The following AKAP13 variants were observed in gnomAD, a reference collection of about 807,000 sequenced individuals.
The protein encoded by AKAP13 is A-kinase anchor protein 13.
A neutral mutation model predicts 264.5 loss-of-function variants in AKAP13; 80 were observed. The observed-to-expected ratio is 0.30, with a 90% confidence interval of 0.25 to 0.36. The LOEUF (loss-of-function observed/expected upper bound fraction) is 0.36. Ranked by LOEUF, AKAP13 falls within the 10% of genes least tolerant of loss-of-function variation. The pLI is 1.00. For missense variants in AKAP13, 3,712 were observed against 3,435.2 expected, an observed-to-expected ratio of 1.08 and a Z score of -2.01; for synonymous variants, 1,380 against 1,250.2, an observed-to-expected ratio of 1.10 and a Z score of -2.19.
Position 85,735,547 on chromosome 15 carries a change from A to T in AKAP13, c.7442-13A>T. On this transcript the variant is annotated splice_polypyrimidine_tract_variant and intron_variant, in intron 31 of 36. Transcript: ENST00000394518. ...CAACTTTAAAAAAAAAAACAACCCTATTTTTTGTTTAGGAGGCGAGAAGGA... is the reference window on the plus strand; with the variant it reads ...CAACTTTAAAAAAAAAAACAACCCTTTTTTTTGTTTAGGAGGCGAGAAGGA... 3 of 1,601,654 alleles carry T rather than the reference A, an allele frequency of 1.9e-6. No individual in the cohort carries two copies. Among genetic ancestry groups the T allele is most frequent in the Non-Finnish European group, 1.7e-6 (2 of 1,176,238 alleles).
At chr15:85,676,849 C>A in intron 14 of AKAP13, 1 of 748,710 alleles carries the variant, frequency 1.3e-6, no homozygotes, top group Non-Finnish European at 1.6e-6. Context: ...CAAATTATTA[C>A]ATCATTCACC....
intron 1 of AKAP13, among the ~76,000 whole-genome samples, chr15:85,405,150 C>A (rs1035806433): frequency 1.3e-5 from 2 of 152,064 alleles, no homozygotes; most frequent in Non-Finnish European, 2.9e-5. Context: ...TCGATTCAGA[C>A]TTAGTTTTGT....
At chr15:85,673,031 T>C (rs2084007758) in intron 14 of AKAP13, among the ~76,000 whole-genome samples, 1 of 152,226 alleles carries the variant, frequency 6.6e-6, no homozygotes, top group African/African-American at 2.4e-5. Flanking sequence ...CTCTTTTTCC[T>C]TCTAAAGAAA....
chr15:85,622,527 T>C (rs2081242109), intron 8 of AKAP13, among the ~76,000 whole-genome samples: 1 of 152,180 alleles, frequency 6.6e-6, no homozygotes, highest in African/African-American at 2.4e-5. Flanking sequence ...GGAGGATGCC[T>C]TACCTCTCAG....
chr15:85,637,893 T>G (rs1034281148), intron 8 of AKAP13, among the ~76,000 whole-genome samples: 7 of 150,934 alleles, frequency 4.6e-5, no homozygotes, highest in African/African-American at 1.5e-4. Flanking sequence ...AGTTTTTTTT[T>G]TTTTTTTTTT....
chr15:85,583,782 T>G (rs1164360369), intron 7 of AKAP13, among the ~76,000 whole-genome samples: 1 of 152,198 alleles, frequency 6.6e-6, no homozygotes, highest in African/African-American at 2.4e-5. Flanking sequence ...TGATTTTTAT[T>G]AGCACATATA....
intron 1 of AKAP13, among the ~76,000 whole-genome samples, chr15:85,458,977 C>T (rs542669413): frequency 1.3e-5 from 2 of 152,280 alleles, no homozygotes; most frequent in East Asian, 3.9e-4. Context: ...CTTGTCTAGA[C>T]AGTTTCAACT....
intron 27 of AKAP13, 57 bp downstream of exon 27, chr15:85,726,543 A>C: frequency 7.0e-7 from 1 of 1,436,442 alleles, no homozygotes; most frequent in Non-Finnish European, 9.8e-7. Flanking sequence ...TAGTTATGGA[A>C]TGTAAGCACT....
chr15:85,596,931 G>A (rs1181061302), intron 8 of AKAP13, among the ~76,000 whole-genome samples: 1 of 151,742 alleles, frequency 6.6e-6, no homozygotes, highest in Non-Finnish European at 1.5e-5. Flanking sequence ...CTCTGAGGCA[G>A]AAAAAAAACA....
chr15:85,593,107 C>T (rs199903994), intron 8 of AKAP13, among the ~76,000 whole-genome samples: 4 of 152,132 alleles, frequency 2.6e-5, no homozygotes, highest in South Asian at 2.1e-4. Flanking sequence ...GCCAGGAGTT[C>T]GAGACCAGCC....
At chr15:85,468,371 C>T (rs1186303371) in intron 1 of AKAP13, among the ~76,000 whole-genome samples, 1 of 152,100 alleles carries the variant, frequency 6.6e-6, no homozygotes, top group African/African-American at 2.4e-5. Context: ...AGTAGTTGTC[C>T]TCTAAGTTTG....
intron 1 of AKAP13, among the ~76,000 whole-genome samples, chr15:85,437,208 T>G (rs1188401947): frequency 2.0e-5 from 3 of 148,584 alleles, no homozygotes; most frequent in Non-Finnish European, 4.5e-5. Flanking sequence ...GCAAATAAAC[T>G]AGAAAATCTA....
chr15:85,420,350 T>C (rs2072468474), intron 1 of AKAP13, among the ~76,000 whole-genome samples: 1 of 152,172 alleles, frequency 6.6e-6, no homozygotes. Flanking sequence ...AACAGCTTCT[T>C]GGGATATCTG....
chr15:85,540,740 A>G (rs546357062), intron 4 of AKAP13, among the ~76,000 whole-genome samples: 1 of 152,358 alleles, frequency 6.6e-6, no homozygotes, highest in South Asian at 2.1e-4. Flanking sequence ...ATCCCTTTGC[A>G]CCTTGGCCTC....
chr15:85,729,591 T>C (rs542756973), intron 29 of AKAP13, among the ~76,000 whole-genome samples: 20 of 152,158 alleles, frequency 1.3e-4, no homozygotes, highest in African/African-American at 4.6e-4. Flanking sequence ...TAGAAGGTCA[T>C]TGAAGCCATG....
intron 1 of AKAP13, among the ~76,000 whole-genome samples, chr15:85,384,053 A>T (rs1316192166): frequency 6.6e-6 from 1 of 152,262 alleles, no homozygotes; most frequent in African/African-American, 2.4e-5. Flanking sequence ...TACATTCTAG[A>T]AATATTTACC....
At position 85,715,800 on chromosome 15, in the gene AKAP13, A is replaced by G. The variant is rs761957363; in HGVS notation, c.5612A>G (p.Lys1871Arg). The part of the protein sequence containing the change: ...VIMRNKPSQP[K>R]ERPRSAVLLV... ...CCTCCTTTTGCAGCCTCACAGCCCA[A>G]GGAGCGTCCTCGGTCCGCAGTCCTC... Residue 1871 changes from lysine (K) to arginine (R), a missense_variant, in exon 20 of 37, where the codon AAG becomes AGG. This residue lies in a region of AKAP13 where 2,759 missense variants were observed against 2,411.7 expected (regional missense o/e 1.14). Coordinates refer to ENST00000394518, the MANE Select transcript of AKAP13 (RefSeq NM_007200.5). 5 of 1,611,914 alleles carry G rather than the reference A, an allele frequency of 3.1e-6. No individual in the cohort carries two copies. The highest frequency in any genetic ancestry group is 2.2e-5 in the South Asian group (2 of 90,838).
chr15:85,496,712 G>C (rs1175929607), intron 2 of AKAP13, among the ~76,000 whole-genome samples: 1 of 152,170 alleles, frequency 6.6e-6, no homozygotes, highest in Admixed American at 6.5e-5. Context: ...TATACAAAGA[G>C]CCTTATCAGC....
At chr15:85,451,862 G>A (rs1423726781) in intron 1 of AKAP13, among the ~76,000 whole-genome samples, 1 of 152,184 alleles carries the variant, frequency 6.6e-6, no homozygotes, top group Non-Finnish European at 1.5e-5. Context: ...ATCTTCATGT[G>A]TAGAATATTG....
Sources: allele counts gnomAD v4.1 joint callset (sites outside exome capture counted in the v4.1 genomes callset), GRCh38; gene constraint gnomAD v4.1.1; regional missense constraint gnomAD v4.1.1; transcripts MANE v1.5; gene names NCBI Gene and HGNC (gene_info 2026-07-23, HGNC 2026-07-21).